Variants in RBFOX1 observed in about 807,000 individuals in gnomAD.
The protein encoded by RBFOX1 is RNA binding fox-1 homolog 1.
Under a neutral mutation model 57.7 loss-of-function variants are expected in RBFOX1, and 8 were observed. The observed-to-expected ratio is 0.14, with a 90% CI of 0.08 to 0.25. The LOEUF is 0.25. RBFOX1 is among the 10% of genes least tolerant of loss of function. The probability of loss-of-function intolerance (pLI) is 1.00; values close to 1 mark genes in which losing one functional copy is unlikely to be tolerated. For synonymous variants in RBFOX1, 326 were observed against 222.4 expected (o/e 1.47, Z -4.15); for missense variants, 611 against 548.5 (o/e 1.11, Z -1.14).
At chr16:5,626,763 T>G (rs2048361456) in intron 3 of RBFOX1, among the ~76,000 whole-genome samples, 2 of 152,290 alleles carry the variant, frequency 1.3e-5, no homozygotes, top group Non-Finnish European at 2.9e-5. Flanking sequence ...GACTGAAGGT[T>G]CAACCAGGGT....
chr16:7,138,762 CA>C (rs1403776995), intron 4 of RBFOX1, among the ~76,000 whole-genome samples: 1 of 152,154 alleles, frequency 6.6e-6, no homozygotes, highest in Admixed American at 6.5e-5. Context: ...TTCACTAAAA[CA>C]AGGAACACAC....
chr16:5,856,338 TA>T (rs1318836770), intron 3 of RBFOX1, among the ~76,000 whole-genome samples: 5 of 4,732 alleles, frequency 1.1e-3, no homozygotes, highest in East Asian at 4.2e-3. Flanking sequence ...TGTTATATTA[TA>T]TATATATATA....
chr16:5,328,257 C>G (rs1365149650), intron 1 of RBFOX1, among the ~76,000 whole-genome samples: 1 of 152,102 alleles, frequency 6.6e-6, no homozygotes, highest in African/African-American at 2.4e-5. Context: ...GGCCCCTAAT[C>G]CAATCTGATC....
At chr16:6,921,949 AC>A (rs2074550400) in intron 3 of RBFOX1, among the ~76,000 whole-genome samples, 1 of 152,150 alleles carries the variant, frequency 6.6e-6, no homozygotes, top group South Asian at 2.1e-4. Context: ...TAGCTTCTGC[AC>A]ACCACTGAAA....
At chr16:6,915,366 A>G (rs369149370) in intron 3 of RBFOX1, among the ~76,000 whole-genome samples, 49 of 152,272 alleles carry the variant, frequency 3.2e-4, no homozygotes, top group African/African-American at 1.2e-3. Context: ...ACAGATTAGA[A>G]AGGAAACACG....
At chr16:7,391,494 C>G (rs1568585942) in intron 4 of RBFOX1, among the ~76,000 whole-genome samples, 1 of 152,230 alleles carries the variant, frequency 6.6e-6, no homozygotes, top group Non-Finnish European at 1.5e-5. Context: ...AGCTAACACC[C>G]ATGTGTGCTT....
intron 4 of RBFOX1, among the ~76,000 whole-genome samples, chr16:7,304,026 C>G (rs1045751051): frequency 1.3e-5 from 2 of 151,864 alleles, no homozygotes; most frequent in African/African-American, 2.4e-5. Flanking sequence ...GCCCAACAAC[C>G]CAGAAAAGCC....
intron 2 of RBFOX1, among the ~76,000 whole-genome samples, chr16:6,589,077 C>G (rs972758588): frequency 1.4e-5 from 2 of 146,358 alleles, no homozygotes; most frequent in Non-Finnish European, 3.0e-5. Context: ...TGATGCTTTT[C>G]TAATTTTATC....
intron 4 of RBFOX1, among the ~76,000 whole-genome samples, chr16:7,459,327 C>T (rs1417245054): frequency 6.6e-6 from 1 of 152,180 alleles, no homozygotes; most frequent in Non-Finnish European, 1.5e-5. Flanking sequence ...ATCCTTTTAA[C>T]TCACTTGGCA....
chr16:5,583,971 G>C lies in RBFOX1; in HGVS notation c.259-14931G>C, dbSNP rs533322408. Among the ~76,000 whole-genome samples the C allele has an allele frequency of 1.1e-4, 17 of 152,310 alleles. 1 individual carries two copies. In the East Asian group the frequency reaches 3.3e-3, roughly 29 times the overall value. On this transcript the variant is annotated intron_variant, in intron 2 of 2. Coordinates refer to the RBFOX1 transcript ENST00000585867. ...GGAATGGCCCAGGGAGCTCAAGGCT[G>C]TGCCAGCCATTCCTGGTTCCACCGA...
chr16:5,424,984 T>TTTCTTTCTTTCTTTC lies in RBFOX1; in HGVS notation c.220-42230_220-42229insCTTTCTTTCTTTCTT, dbSNP rs200482050. Among the ~76,000 whole-genome samples the TTTCTTTCTTTCTTTC allele has an allele frequency of 4.5e-4, 31 of 68,958 alleles. 2 individuals are homozygous for TTTCTTTCTTTCTTTC. Among genetic ancestry groups the TTTCTTTCTTTCTTTC allele is most frequent in the African/African-American group, 2.0e-3 (31 of 15,592 alleles). The allele number at this position is 68,958 out of a possible 152,430, so 45.2% of individuals were successfully genotyped here. A position where few individuals can be genotyped will look rare whatever the true frequency, so the allele number is the denominator to read the frequency against. On this transcript the variant is annotated intron_variant, in intron 1 of 2. Coordinates refer to the RBFOX1 transcript ENST00000585867. ...TCTTTCTCTTTCTTTCTTTCTTTTC[T>TTTCTTTCTTTCTTTC]TTTCTTTTCTTTTCTTTTCTTTTCT...
rs544462 is a variant in RBFOX1, at chr16:5,442,893, G to A, written c.220-24323G>A. 4.8e-3 allele frequency among the ~76,000 whole-genome samples: 733 copies of A among 152,276 alleles called. 13 individuals carry two copies. The highest frequency in any genetic ancestry group is 0.017 in the African/African-American group (696 of 41,550). ...TAGCTTAGAATTTTGAGATGACCCT[G>A]CATTTAAGATGGACCTGAAATCCAG... On this transcript the variant is annotated intron_variant, in intron 1 of 2. Transcript: ENST00000585867.
rs1567207681 is a variant in RBFOX1, at chr16:6,779,755, T to TATA, written c.-16+125105_-16+125106insATA. Among the ~76,000 whole-genome samples the TATA allele has an allele frequency of 2.8e-4, 7 of 25,164 alleles. 1 individual carries two copies. Among genetic ancestry groups the TATA allele is most frequent in the African/African-American group, 4.1e-4 (3 of 7,242 alleles). The allele number at this position is 25,164 out of a possible 152,430, so 16.5% of individuals were successfully genotyped here. On this transcript the variant is annotated intron_variant, in intron 3 of 15. Coordinates refer to ENST00000550418, the MANE Select transcript of RBFOX1 (RefSeq NM_018723.4). Reference sequence around the variant, plus strand: ...TTTTTATATATTTTTATATATACTTTTATATATTTATATATATATTTATAT... The same window carrying TATA: ...TTTTTATATATTTTTATATATACTTTATATATATATTTATATATATATTTATAT...
At chr16:6,153,246 T>G (rs887003537) in intron 1 of RBFOX1, among the ~76,000 whole-genome samples, 1 of 152,010 alleles carries the variant, frequency 6.6e-6, no homozygotes, top group African/African-American at 2.4e-5. Flanking sequence ...GCATTCCTAT[T>G]TCCTCCAATA....
intron 4 of RBFOX1, among the ~76,000 whole-genome samples, chr16:7,196,664 G>A (rs141520348): frequency 1.3e-5 from 2 of 152,174 alleles, no homozygotes; most frequent in African/African-American, 4.8e-5. Flanking sequence ...ACAGGCATGT[G>A]TGTATAACTA....
intron 1 of RBFOX1, among the ~76,000 whole-genome samples, chr16:6,186,866 A>T (rs1037090992): frequency 2.0e-5 from 3 of 152,204 alleles, no homozygotes; most frequent in Non-Finnish European, 2.9e-5. Context: ...GTAGGGTCAC[A>T]CTGGTGAACA....
At chr16:6,699,180 C>A (rs952183874) in intron 3 of RBFOX1, among the ~76,000 whole-genome samples, 1 of 152,094 alleles carries the variant, frequency 6.6e-6, no homozygotes, top group Admixed American at 6.5e-5. Context: ...GTTTTTAAAC[C>A]ATTTTTATCA....
chr16:6,295,332 G>T (rs1477888020), intron 1 of RBFOX1, among the ~76,000 whole-genome samples: 3 of 152,010 alleles, frequency 2.0e-5, no homozygotes, highest in African/African-American at 4.8e-5. Context: ...CATCATGTTG[G>T]CCAGGATGGT....
At chr16:7,561,203 G>T (rs2090262526) in intron 5 of RBFOX1, among the ~76,000 whole-genome samples, 1 of 152,196 alleles carries the variant, frequency 6.6e-6, no homozygotes, top group South Asian at 2.1e-4. Flanking sequence ...CACTGTCTCT[G>T]CTTTTACAAA....
Sources: allele counts gnomAD v4.1 joint callset (sites outside exome capture counted in the v4.1 genomes callset), GRCh38; gene constraint gnomAD v4.1.1; transcripts MANE v1.5; gene names NCBI Gene and HGNC (gene_info 2026-07-23, HGNC 2026-07-21).